IMPDH1: variants seen among roughly 807,000 people sequenced by gnomAD.
The protein encoded by IMPDH1 is inosine monophosphate dehydrogenase 1.
Under a neutral mutation model 73.5 loss-of-function variants are expected in IMPDH1, and 41 were observed. The ratio of observed to expected loss-of-function variants is 0.56; its 90% CI spans 0.43 to 0.72. IMPDH1 has a LOEUF of 0.72. IMPDH1 is among the 30% of genes least tolerant of loss of function. IMPDH1 has a pLI of 0.00. For missense variants in IMPDH1, 645 were observed against 824.8 expected, an observed-to-expected ratio of 0.78 and a Z score of 2.67; for synonymous variants, 318 against 334.3, an observed-to-expected ratio of 0.95 and a Z score of 0.53.
rs757642710 is a variant in IMPDH1, at chr7:128,392,878, C to T, written c.*129G>A. ...CAGTCCCCTCAGGACCTCCCCTCCT[C>T]TCTGCCTGGAAAGGAGCTGGAGAAC... On this transcript the variant is annotated 3_prime_UTR_variant, in exon 17 of 17. Transcript: ENST00000338791. 47 of 916,066 alleles carry T rather than the reference C, an allele frequency of 5.1e-5. No homozygotes were observed. The highest frequency in any genetic ancestry group is 7.6e-5 in the Non-Finnish European group (43 of 567,050). 56.7% of individuals were successfully genotyped at this position (916,066 alleles called of 1,614,324 possible). A position where few individuals can be genotyped will look rare whatever the true frequency, so the allele number is the denominator to read the frequency against.
rs369080233 is a variant in IMPDH1, at chr7:128,400,859, G to A, written c.537C>T (p.Asn179=). Residue 179 remains asparagine (N), a synonymous_variant, in exon 7 of 17, where the codon AAC becomes AAT. Transcript: ENST00000338791. ...CGTTGGCCTGGAACTCTGGGGTGCA[G>A]TTGTGGTGAATGAAACCAATACCTC... The part of the protein sequence containing the change: ...LMGGIGFIHH[N]CTPEFQANEV... 1.9e-5 allele frequency: 30 copies of A among 1,614,100 alleles called. No individual in the cohort carries two copies. In the African/African-American group the frequency reaches 2.4e-4, roughly 13 times the overall value.
At chr7:128,393,104 GC>G in intron 16 of IMPDH1, 76 bp from the exon 17 acceptor site, 2 of 1,485,606 alleles carry the variant, frequency 1.3e-6, no homozygotes, top group Non-Finnish European at 1.9e-6. Flanking sequence ...TTTCCCCAGG[GC>G]CCCCAGATGT....
rs1254204788 is a variant in IMPDH1 at position 128,409,624 on chromosome 7, C to T, written c.146+132G>A. Reference sequence around the variant, plus strand: ...GCGTGGCGTTTCGGGAAGTTAGAGGCTGAGGCGGTAATAGGGGAAGGGTTT... The same window carrying T: ...GCGTGGCGTTTCGGGAAGTTAGAGGTTGAGGCGGTAATAGGGGAAGGGTTT... On this transcript the variant is annotated intron_variant, in intron 1 of 16. Transcript: ENST00000338791. 4.6e-6 allele frequency: 7 copies of T among 1,517,886 alleles called. No individual in the cohort carries two copies. The East Asian group carries it at 1.6e-4, about 34-fold the overall frequency. 94.0% of individuals were successfully genotyped at this position (1,517,886 alleles called of 1,614,324 possible).
Position 128,392,829 on chromosome 7 carries a change from C to T in IMPDH1, c.*178G>A, listed in dbSNP as rs776916671. On this transcript the variant is annotated 3_prime_UTR_variant, in exon 17 of 17. Transcript: ENST00000338791. ...GGCCCCGGGAGCAGTCCTGACTCTGCAGGGGATGCCGAGTGAGGGGCAGCA... is the reference window on the plus strand; with the variant it reads ...GGCCCCGGGAGCAGTCCTGACTCTGTAGGGGATGCCGAGTGAGGGGCAGCA... 2.0e-5 allele frequency: 13 copies of T among 646,444 alleles called. No homozygotes were observed. The highest frequency in any genetic ancestry group is 3.3e-5 in the Non-Finnish European group (12 of 363,680). The allele number at this position is 646,444 out of a possible 1,614,324, so 40.0% of individuals were successfully genotyped here.
intron 10 of IMPDH1, 42 bp from the exon 11 acceptor site, chr7:128,397,064 G>A: frequency 7.1e-7 from 1 of 1,401,484 alleles, no homozygotes; most frequent in Admixed American, 1.7e-5. Context: ...GACAGCTGAG[G>A]ATTCTCAAGG....
At position 128,403,724 on chromosome 7, in the gene IMPDH1, G is replaced by A. The variant is rs758464961; in HGVS notation, c.384C>T (p.Asp128=). The A allele has an allele frequency of 1.2e-5, 20 of 1,613,926 alleles. No homozygotes were observed. Among genetic ancestry groups the A allele is most frequent in the Non-Finnish European group, 1.5e-5 (18 of 1,179,894 alleles). ...TACTCACCACCTCATCAGCTATGAAGTCTATGAATCCTGGGAGAATCAGGA... is the reference window on the plus strand; with the variant it reads ...TACTCACCACCTCATCAGCTATGAAATCTATGAATCCTGGGAGAATCAGGA... ...NDFLILPGFI[D]FIADEVDLTS... is the part of the protein sequence containing the mutation. Residue 128 remains aspartate (D), a synonymous_variant, in exon 5 of 17, where the codon GAC becomes GAT. Coordinates refer to ENST00000338791, the MANE Select transcript of IMPDH1 (RefSeq NM_000883.4).
chr7:128,409,923 G>C lies in IMPDH1; in HGVS notation c.-22C>G, dbSNP rs1799034811. 1 of 1,355,024 alleles carries C rather than the reference G, an allele frequency of 7.4e-7. No homozygotes were observed. Among genetic ancestry groups the C allele is most frequent in the Non-Finnish European group, 9.4e-7 (1 of 1,058,966 alleles). 83.9% of individuals were successfully genotyped at this position (1,355,024 alleles called of 1,614,324 possible). On this transcript the variant is annotated 5_prime_UTR_variant, in exon 1 of 17. Coordinates refer to ENST00000338791, the MANE Select transcript of IMPDH1 (RefSeq NM_000883.4). ...CCATGCGGAGGCCGCAGCTCAGGGCGGGCGGGAGCCTGGAGGCTCCCGGGG... is the reference window on the plus strand; with the variant it reads ...CCATGCGGAGGCCGCAGCTCAGGGCCGGCGGGAGCCTGGAGGCTCCCGGGG...
chr7:128,406,015 GC>G (rs1798723605), intron 3 of IMPDH1, 150 bp from the exon 4 acceptor site: 1 of 418,040 alleles, frequency 2.4e-6, no homozygotes, highest in South Asian at 9.5e-5. Flanking sequence ...GGCTGCGGCA[GC>G]GGCAGGGCGG....
At chr7:128,403,033 T>A (rs1042678462) in intron 5 of IMPDH1, among the ~76,000 whole-genome samples, 2 of 152,124 alleles carry the variant, frequency 1.3e-5, no homozygotes, top group Non-Finnish European at 2.9e-5. Context: ...CAAAATCCAA[T>A]CCTTATGGTC....
chr7:128,400,820 G>A lies in IMPDH1; in HGVS notation c.576C>T (p.Val192=). The A allele has an allele frequency of 6.2e-7, 1 of 1,614,034 alleles. No individual in the cohort carries two copies. The highest frequency in any genetic ancestry group is 8.5e-7 in the Non-Finnish European group (1 of 1,179,902). ...TGGGGACAGGCCTGGTACTTGCCTT[G>A]ACCTTCCGCACCTCGTTGGCCTGGA... ...PEFQANEVRK[V]KKFEQGFITD... The change falls in exon 7 of 17, where the codon GTC becomes GTT. Residue 192 remains valine, a synonymous_variant. Coordinates refer to ENST00000338791, the MANE Select transcript of IMPDH1 (RefSeq NM_000883.4).
At chr7:128,407,971 C>A (rs1798887008) in intron 3 of IMPDH1, among the ~76,000 whole-genome samples, 1 of 152,186 alleles carries the variant, frequency 6.6e-6, no homozygotes, top group African/African-American at 2.4e-5. Flanking sequence ...TCACTCTAAG[C>A]TGCTGGGCTC....
intron 5 of IMPDH1, among the ~76,000 whole-genome samples, chr7:128,401,361 C>T (rs890295089): frequency 5.9e-5 from 9 of 152,178 alleles, no homozygotes; most frequent in Non-Finnish European, 1.0e-4. Flanking sequence ...AAAGGCCAAG[C>T]GACCACTGGC....
At chr7:128,395,677 T>C (rs1797867335) in intron 12 of IMPDH1, among the ~76,000 whole-genome samples, 1 of 152,246 alleles carries the variant, frequency 6.6e-6, no homozygotes, top group Non-Finnish European at 1.5e-5. Flanking sequence ...CAAGTCTAAG[T>C]GTCCAAGGTC....
chr7:128,403,395 T>A (rs1798474286), intron 5 of IMPDH1, among the ~76,000 whole-genome samples: 1 of 152,014 alleles, frequency 6.6e-6, no homozygotes, highest in African/African-American at 2.4e-5. Flanking sequence ...CCGTCTCCAC[T>A]AAAAACACAA....
At chr7:128,399,173 G>A (rs976870208) in intron 9 of IMPDH1, among the ~76,000 whole-genome samples, 2 of 151,992 alleles carry the variant, frequency 1.3e-5, no homozygotes, top group African/African-American at 2.4e-5. Context: ...AGAACAGCCC[G>A]GCCAATATGG....
intron 3 of IMPDH1, among the ~76,000 whole-genome samples, chr7:128,406,312 C>T (rs1459441654): frequency 4.8e-5 from 6 of 124,138 alleles, no homozygotes; most frequent in African/African-American, 1.2e-4. Flanking sequence ...CACCCCCCAC[C>T]CCCCCCACCC....
Position 128,396,671 on chromosome 7 carries a change from T to C in IMPDH1, c.1190A>G (p.Asn397Ser), listed in dbSNP as rs1249843547. ...GNVVTAAQAK[N>S]LIDAGVDGLR... ...CCCGTCCACACCAGCATCAATCAGG[T>C]TCTTGGCCTGGGCTGCTGTCACCAC... The change falls in exon 12 of 17, where the codon AAC becomes AGC. Residue 397 changes from asparagine (N) to serine (S), a missense_variant. Asn to Ser is a conservative substitution (Grantham distance 46). This residue lies in a region of IMPDH1 where 459 missense variants were observed against 638.2 expected (regional missense o/e 0.72). Coordinates refer to ENST00000338791, the MANE Select transcript of IMPDH1 (RefSeq NM_000883.4). The surrounding 1 kb of genome is among the most constrained non-coding windows in gnomAD (Gnocchi z 4.0). The C allele has an allele frequency of 2.6e-6, 4 of 1,554,364 alleles. No individual in the cohort carries two copies.
chr7:128,405,104 G>A (rs1254478151), intron 4 of IMPDH1, among the ~76,000 whole-genome samples: 1 of 152,232 alleles, frequency 6.6e-6, no homozygotes, highest in Non-Finnish European at 1.5e-5. Flanking sequence ...CTAGTGCCAG[G>A]CCTGCAGCAC....
chr7:128,398,627 C>G lies in IMPDH1; in HGVS notation c.875-14G>C. The G allele has an allele frequency of 6.2e-7, 1 of 1,609,594 alleles. No homozygotes were observed. Among genetic ancestry groups the G allele is most frequent in the Non-Finnish European group, 8.5e-7 (1 of 1,176,560 alleles). On this transcript the variant is annotated splice_polypyrimidine_tract_variant and intron_variant, in intron 9 of 16. Transcript: ENST00000338791. The surrounding 1 kb of genome is among the most constrained non-coding windows in gnomAD (Gnocchi z 4.3). ...TAGGCAGCTTCCCTGACAAGGAATG[C>G]AGGGGTGAAATGAAGCAGGCTTGGT...
Sources: allele counts gnomAD v4.1 joint callset (sites outside exome capture counted in the v4.1 genomes callset), GRCh38; gene constraint gnomAD v4.1.1; regional missense constraint gnomAD v4.1.1; non-coding constraint Gnocchi (gnomAD v3.1); transcripts MANE v1.5; gene names NCBI Gene and HGNC (gene_info 2026-07-23, HGNC 2026-07-21).